Variants in TRPM3 observed in about 807,000 individuals in gnomAD.
TRPM3 encodes the protein transient receptor potential cation channel subfamily M member 3, also known as long transient receptor potential channel 3.
TRPM3 carries 77 observed loss-of-function variants against 181.2 expected under a neutral mutation model. The ratio of observed to expected loss-of-function variants is 0.42; its 90% CI spans 0.35 to 0.51. The LOEUF is 0.51. Among genes scored for constraint, TRPM3 ranks in the 20% least tolerant of loss-of-function variants. TRPM3 has a pLI of 0.01. For missense variants in TRPM3, 1,759 were observed against 2,196.7 expected (o/e 0.80, Z 3.98); for synonymous variants, 745 against 796.4 (o/e 0.94, Z 1.09).
At chr9:71,389,873 A>G (rs980035636) in intron 1 of TRPM3, among the ~76,000 whole-genome samples, 27 of 152,166 alleles carry the variant, frequency 1.8e-4, no homozygotes, top group East Asian at 7.7e-4. Context: ...GACTACAAAT[A>G]TGGTATAGTA....
At chr9:71,035,487 C>T (rs1313533255) in intron 1 of TRPM3, among the ~76,000 whole-genome samples, 1 of 152,162 alleles carries the variant, frequency 6.6e-6, no homozygotes, top group East Asian at 1.9e-4. Flanking sequence ...GAGGCCAAGG[C>T]AGGCAGATCA....
Position 71,446,376 on chromosome 9 carries a change from T to C in TRPM3, c.183+277A>G, listed in dbSNP as rs375999523. ...ACACGCTCTGTTAACTGCAAAACTC[T>C]TATGATCTAACAGCGAGCCCCCTCG... On this transcript the variant is annotated intron_variant, in intron 1 of 24. Coordinates refer to the TRPM3 transcript ENST00000357533. 2.8e-4 allele frequency among the ~76,000 whole-genome samples: 42 copies of C among 152,298 alleles called. No homozygotes were observed. The East Asian group carries it at 6.2e-3, about 22-fold the overall frequency.
At chr9:71,404,365 T>G (rs969785749) in intron 1 of TRPM3, among the ~76,000 whole-genome samples, 1 of 152,250 alleles carries the variant, frequency 6.6e-6, no homozygotes, top group Admixed American at 6.5e-5. Context: ...CAGATGCATT[T>G]CCACCTGAAC....
intron 1 of TRPM3, among the ~76,000 whole-genome samples, chr9:71,338,396 C>T (rs772239998): frequency 2.6e-5 from 4 of 152,088 alleles, no homozygotes; most frequent in African/African-American, 7.2e-5. Flanking sequence ...ATGTGTCATA[C>T]GTAGTATGTC....
At chr9:70,870,062 A>C (rs1461728558) in intron 1 of TRPM3, among the ~76,000 whole-genome samples, 2 of 152,028 alleles carry the variant, frequency 1.3e-5, no homozygotes, top group African/African-American at 4.8e-5. Flanking sequence ...GTGCTAAGAG[A>C]TGGCACTCTT....
At chr9:71,307,472 T>C (rs972700464) in intron 1 of TRPM3, among the ~76,000 whole-genome samples, 2 of 152,152 alleles carry the variant, frequency 1.3e-5, no homozygotes, top group African/African-American at 2.4e-5. Flanking sequence ...GAAATTATTG[T>C]AGTAAATTAT....
At chr9:71,187,656 A>G (rs1374631900) in intron 1 of TRPM3, among the ~76,000 whole-genome samples, 2 of 152,016 alleles carry the variant, frequency 1.3e-5, no homozygotes, top group Non-Finnish European at 2.9e-5. Flanking sequence ...TACACTCTTT[A>G]TAAAATAAAA....
At chr9:71,241,636 T>TA (rs1163228870) in intron 1 of TRPM3, among the ~76,000 whole-genome samples, 3 of 152,132 alleles carry the variant, frequency 2.0e-5, no homozygotes, top group Non-Finnish European at 2.9e-5. Flanking sequence ...CCCTAAAACT[T>TA]AAAGTATAAT....
At chr9:70,816,140 C>T (rs1482622315) in intron 6 of TRPM3, among the ~76,000 whole-genome samples, 2 of 152,178 alleles carry the variant, frequency 1.3e-5, no homozygotes, top group South Asian at 4.1e-4. Context: ...GTTGGATTCT[C>T]TGTATCTTGA....
At chr9:70,941,524 A>G (rs978663276) in intron 1 of TRPM3, among the ~76,000 whole-genome samples, 1 of 152,184 alleles carries the variant, frequency 6.6e-6, no homozygotes, top group Non-Finnish European at 1.5e-5. Context: ...TTACTGTGTG[A>G]GTCAATTCTC....
chr9:71,325,013 A>G (rs1401459193), intron 1 of TRPM3, among the ~76,000 whole-genome samples: 3 of 152,104 alleles, frequency 2.0e-5, no homozygotes, highest in Non-Finnish European at 4.4e-5. Flanking sequence ...AAGAAGAAAT[A>G]AACTCAATGT....
chr9:71,269,423 T>C (rs1486783365), intron 1 of TRPM3, among the ~76,000 whole-genome samples: 1 of 152,210 alleles, frequency 6.6e-6, no homozygotes. Context: ...CTTCTCCAAG[T>C]CAGTGAACCA....
At chr9:71,289,057 G>A (rs1187017797) in intron 1 of TRPM3, among the ~76,000 whole-genome samples, 1 of 151,982 alleles carries the variant, frequency 6.6e-6, no homozygotes, top group African/African-American at 2.4e-5. Flanking sequence ...TGTAATGGAC[G>A]TGTAGCACCT....
chr9:71,019,070 AAAC>A (rs2097816668), intron 1 of TRPM3, among the ~76,000 whole-genome samples: 2 of 152,004 alleles, frequency 1.3e-5, no homozygotes, highest in Non-Finnish European at 2.9e-5. Context: ...AAATGCATAT[AAAC>A]AACTAAGAAT....
At chr9:71,008,848 A>G (rs544373036) in intron 1 of TRPM3, among the ~76,000 whole-genome samples, 1 of 152,382 alleles carries the variant, frequency 6.6e-6, no homozygotes, top group Non-Finnish European at 1.5e-5. Context: ...CCATCTCAAA[A>G]AACAACAACA....
intron 1 of TRPM3, among the ~76,000 whole-genome samples, chr9:71,358,581 C>A (rs1184061601): frequency 6.6e-6 from 1 of 152,154 alleles, no homozygotes; most frequent in Non-Finnish European, 1.5e-5. Flanking sequence ...AAATGCCTAT[C>A]TATCAGCAAG....
intron 1 of TRPM3, chr9:70,865,467 T>TC (rs2095630507): frequency 6.6e-6 from 1 of 152,134 alleles, no homozygotes; most frequent in Non-Finnish European, 1.5e-5. Context: ...TGGCATCATC[T>TC]TCTCTCTAAT....
chr9:70,535,245 C>G lies in TRPM3; in HGVS notation c.*708G>C. On this transcript the variant is annotated 3_prime_UTR_variant, in exon 26 of 26. Coordinates refer to ENST00000677713, the MANE Select transcript of TRPM3 (RefSeq NM_001366145.2). ...CTCTTCTTTCATTTCGATTGCAATACAAAAAGGCATTTCTGTTCCCTTATT... is the reference window on the plus strand; with the variant it reads ...CTCTTCTTTCATTTCGATTGCAATAGAAAAAGGCATTTCTGTTCCCTTATT... 1.5e-6 allele frequency: 1 copy of G among 668,112 alleles called. No homozygotes were observed. The highest frequency in any genetic ancestry group is 2.3e-5 in the South Asian group (1 of 43,052). 41.4% of individuals were successfully genotyped at this position (668,112 alleles called of 1,614,324 possible).
chr9:70,530,243 A>C lies in TRPM3; in HGVS notation c.*5710T>G, dbSNP rs1176323217. The C allele has an allele frequency of 6.6e-6, 1 of 152,240 alleles. No homozygotes were observed. Among genetic ancestry groups the C allele is most frequent in the African/African-American group, 2.4e-5 (1 of 41,454 alleles). 9.4% of individuals were successfully genotyped at this position (152,240 alleles called of 1,614,324 possible). On this transcript the variant is annotated 3_prime_UTR_variant, in exon 26 of 26. Transcript: ENST00000677713. ...ACAAGGTATAAAGGTAATGTGGGCA[A>C]GGGTCTGTTGGTCTGGTGAAAAAGC... is the stretch of plus-strand genomic sequence containing the variant.
Sources: gnomAD v4.1 joint callset for allele counts (sites outside exome capture counted in the v4.1 genomes callset) on GRCh38, gnomAD v4.1.1 for gene constraint, MANE v1.5 for transcripts, NCBI Gene and HGNC (gene_info 2026-07-23, HGNC 2026-07-21) for gene names.